The following DCAF1 variants were observed in gnomAD, a reference collection of about 807,000 sequenced individuals.
DCAF1 encodes the protein DDB1- and CUL4-associated factor 1.
DCAF1 carries 15 observed loss-of-function variants against 128.0 expected under a neutral mutation model. The observed-to-expected ratio is 0.12, with a 90% CI of 0.08 to 0.18. The LOEUF (loss-of-function observed/expected upper bound fraction) is 0.18. Ranked by LOEUF, DCAF1 falls within the 10% of genes least tolerant of loss-of-function variation. DCAF1 has a pLI of 1.00. For synonymous variants in DCAF1, 610 were observed against 603.0 expected, an observed-to-expected ratio of 1.01 and a Z score of -0.17; for missense variants, 988 against 1,649.5, an observed-to-expected ratio of 0.60 and a Z score of 6.95.
upstream of DCAF1, among the ~76,000 whole-genome samples, chr3:51,504,949 TA>T (rs1358736889): frequency 1.3e-5 from 2 of 151,818 alleles, no homozygotes; most frequent in African/African-American, 4.8e-5. Flanking sequence ...TCTATCAGTA[TA>T]AAAAATAATA....
intron 3 of DCAF1, among the ~76,000 whole-genome samples, chr3:51,479,441 T>G (rs551984833): frequency 2.6e-5 from 4 of 152,072 alleles, no homozygotes; most frequent in Admixed American, 1.3e-4. Context: ...AAGTTGAGGT[T>G]GCAGTGACCC....
chr3:51,450,258 C>T (rs565440557), intron 6 of DCAF1, among the ~76,000 whole-genome samples: 1 of 152,242 alleles, frequency 6.6e-6, no homozygotes, highest in East Asian at 1.9e-4. Flanking sequence ...TGGGAGGTAA[C>T]ACTTCCTAAC....
chr3:51,454,994 T>C (rs1450850751), intron 6 of DCAF1, among the ~76,000 whole-genome samples: 1 of 152,172 alleles, frequency 6.6e-6, no homozygotes, highest in Non-Finnish European at 1.5e-5. Flanking sequence ...TAATTTTTGA[T>C]AGTTGAAGCA....
chr3:51,411,403 T>A (rs782617417), intron 23 of DCAF1, among the ~76,000 whole-genome samples: 11 of 151,740 alleles, frequency 7.2e-5, no homozygotes, highest in Non-Finnish European at 1.6e-4. Flanking sequence ...GGAAAGAGAA[T>A]GTGCTGTGAG....
At chr3:51,406,428 G>A (rs1402564658) in intron 23 of DCAF1, among the ~76,000 whole-genome samples, 1 of 150,906 alleles carries the variant, frequency 6.6e-6, no homozygotes, top group Non-Finnish European at 1.5e-5. Context: ...TGGATCCAGG[G>A]ATATTGTTTT....
At chr3:51,423,513 AAAAAG>A (rs1699617065) in intron 13 of DCAF1, among the ~76,000 whole-genome samples, 1 of 151,684 alleles carries the variant, frequency 6.6e-6, no homozygotes, top group South Asian at 2.1e-4. Flanking sequence ...ACAAAAAAAA[AAAAAG>A]AAAAGAAAAA....
At chr3:51,430,253 G>C in intron 10 of DCAF1, 41 bp from the exon 11 acceptor site, 2 of 759,226 alleles carry the variant, frequency 2.6e-6, no homozygotes, top group Non-Finnish European at 4.9e-6. Flanking sequence ...TTAAATTGTG[G>C]GCAAAGGAGC....
rs372451907 is a variant in DCAF1 at position 51,403,272 on chromosome 3, C to A, written c.4336G>T (p.Ala1446Ser). Residue 1446 changes from alanine to serine, a missense_variant, in exon 24 of 25, where the codon GCA becomes TCA. Physicochemically the swap from Ala to Ser is moderately conservative, Grantham distance 99 (BLOSUM62 1). Coordinates refer to ENST00000684031, the MANE Select transcript of DCAF1 (RefSeq NM_001387579.1). Reference sequence around the variant, plus strand: ...AAGTCATTGTCCCCATCTTCCCCTGCGTTCTCATTATTGTCGTCCTCCTCC... The same window carrying A: ...AAGTCATTGTCCCCATCTTCCCCTGAGTTCTCATTATTGTCGTCCTCCTCC... The part of the protein sequence containing the change: ...ELEEDDNNEN[A>S]GEDGDNDFSP... 1.9e-6 allele frequency: 3 copies of A among 1,610,720 alleles called. No homozygotes were observed. Among genetic ancestry groups the A allele is most frequent in the South Asian group, 2.2e-5 (2 of 90,346 alleles).
rs782671010 is a variant in DCAF1, at chr3:51,440,955, T to G, written c.1128+15A>C. 2.5e-6 allele frequency: 4 copies of G among 1,594,848 alleles called. No homozygotes were observed. The African/African-American group carries it at 5.4e-5, about 22-fold the overall frequency. ...TAAAAAATCCCCGGTGACCCAATATTTTTAAGAACTTTACCTTTAGTGCCT... is the reference window on the plus strand; with the variant it reads ...TAAAAAATCCCCGGTGACCCAATATGTTTAAGAACTTTACCTTTAGTGCCT... On this transcript the variant is annotated intron_variant, in intron 9 of 24. Coordinates refer to ENST00000684031, the MANE Select transcript of DCAF1 (RefSeq NM_001387579.1).
intron 13 of DCAF1, among the ~76,000 whole-genome samples, chr3:51,425,719 C>T (rs535459832): frequency 9.7e-4 from 147 of 151,716 alleles, no homozygotes; most frequent in African/African-American, 3.4e-3. Flanking sequence ...TGCGGCAACA[C>T]ACCAGGCTAA....
intron 2 of DCAF1, among the ~76,000 whole-genome samples, chr3:51,485,276 G>T (rs977700070): frequency 1.3e-5 from 2 of 152,168 alleles, no homozygotes; most frequent in South Asian, 4.1e-4. Flanking sequence ...CATGAAAGTG[G>T]AGAAGGAACA....
intron 11 of DCAF1, 132 bp downstream of exon 11, chr3:51,429,901 A>C (rs1285574732): frequency 1.7e-6 from 1 of 598,562 alleles, no homozygotes; most frequent in Non-Finnish European, 3.0e-6. Flanking sequence ...AAAAAAAAAA[A>C]ACTTCACAAA....
intron 2 of DCAF1, among the ~76,000 whole-genome samples, chr3:51,487,690 C>T (rs558605762): frequency 1.3e-5 from 2 of 151,870 alleles, no homozygotes; most frequent in Non-Finnish European, 1.5e-5. Flanking sequence ...CTCTCTCTCT[C>T]TCCTCTTTCC....
intron 9 of DCAF1, among the ~76,000 whole-genome samples, chr3:51,435,305 A>C (rs1700708988): frequency 6.6e-6 from 1 of 152,164 alleles, no homozygotes; most frequent in South Asian, 2.1e-4. Context: ...TCCTTGGGCC[A>C]CTGGAGACAA....
At chr3:51,491,051 A>C (rs1170663363) in intron 2 of DCAF1, among the ~76,000 whole-genome samples, 2 of 151,308 alleles carry the variant, frequency 1.3e-5, no homozygotes, top group African/African-American at 4.9e-5. Flanking sequence ...AAAAAAAAAA[A>C]AAAAAAACAA....
At chr3:51,419,087 A>C (rs1471113901) in intron 15 of DCAF1, among the ~76,000 whole-genome samples, 3 of 152,172 alleles carry the variant, frequency 2.0e-5, no homozygotes, top group Non-Finnish European at 4.4e-5. Context: ...TAGGCCAGAC[A>C]CAGTGGCTCA....
At chr3:51,415,563 A>C (rs1698802948) in intron 18 of DCAF1, among the ~76,000 whole-genome samples, 1 of 151,664 alleles carries the variant, frequency 6.6e-6, no homozygotes. Flanking sequence ...CCCAACCCAC[A>C]CCTCTCTCTT....
At chr3:51,499,514 TAGG>T (rs1393692997) in intron 1 of DCAF1, among the ~76,000 whole-genome samples, 1 of 151,672 alleles carries the variant, frequency 6.6e-6, no homozygotes, top group Non-Finnish European at 1.5e-5. Context: ...GAACAGAGAC[TAGG>T]AGGATTGGAA....
chr3:51,424,079 C>T (rs1553633386), intron 13 of DCAF1, among the ~76,000 whole-genome samples: 1 of 151,888 alleles, frequency 6.6e-6, no homozygotes, highest in Admixed American at 6.6e-5. Context: ...AAAAATCTGA[C>T]AATACCAAGT....
Sources: allele counts gnomAD v4.1 joint callset (sites outside exome capture counted in the v4.1 genomes callset), GRCh38; gene constraint gnomAD v4.1.1; transcripts MANE v1.5; gene names NCBI Gene and HGNC (gene_info 2026-07-23, HGNC 2026-07-21).